MYO3B: variants seen among roughly 807,000 people sequenced by gnomAD.
The protein encoded by MYO3B is myosin-IIIb.
In MYO3B, 156 loss-of-function variants were observed where a neutral mutation model predicts 174.6. The observed-to-expected ratio is 0.89, with a 90% CI of 0.78 to 1.02. The LOEUF (loss-of-function observed/expected upper bound fraction) is 1.02, where lower values mean the gene tolerates loss of function less well. Among genes scored for constraint, MYO3B ranks in the 50% least tolerant of loss-of-function variants. The probability of loss-of-function intolerance (pLI) is 0.00; values close to 1 mark genes in which losing one functional copy is unlikely to be tolerated. For missense variants in MYO3B, 1,632 were observed against 1,639.4 expected, an observed-to-expected ratio of 1.00 and a Z score of 0.08; for synonymous variants, 563 against 569.1, an observed-to-expected ratio of 0.99 and a Z score of 0.15.
At chr2:170,506,135 T>C (rs1210826848) in intron 28 of MYO3B, among the ~76,000 whole-genome samples, 2 of 152,174 alleles carry the variant, frequency 1.3e-5, no homozygotes. Flanking sequence ...TGAACAGGCA[T>C]TTTAAGCCAC....
At position 170,472,673 on chromosome 2, in the gene MYO3B, CTATT is replaced by C. The variant is rs61295158; in HGVS notation, c.3014+6004_3014+6007del. Among the ~76,000 whole-genome samples the C allele has an allele frequency of 6.8e-3, 968 of 142,312 alleles. 9 individuals are homozygous for C. The highest frequency in any genetic ancestry group is 0.016 in the African/African-American group (613 of 37,956). 93.4% of individuals were successfully genotyped at this position (142,312 alleles called of 152,430 possible). A position where few individuals can be genotyped will look rare whatever the true frequency, so the allele number is the denominator to read the frequency against. ...GGATATTTTTCAGCTCACTTTTTAT[CTATT>C]TATTTATTTATTTATTTATTTATTT... On this transcript the variant is annotated intron_variant, in intron 25 of 34. Transcript: ENST00000408978.
At chr2:170,205,221 A>G (rs762681309) in intron 3 of MYO3B, among the ~76,000 whole-genome samples, 16 of 152,164 alleles carry the variant, frequency 1.1e-4, no homozygotes, top group Non-Finnish European at 2.9e-5. Flanking sequence ...TAATCCCTTC[A>G]TAAGTTCTAG....
At chr2:170,623,635 T>C (rs1696132835) in intron 32 of MYO3B, among the ~76,000 whole-genome samples, 1 of 152,242 alleles carries the variant, frequency 6.6e-6, no homozygotes, top group Admixed American at 6.5e-5. Flanking sequence ...GTTTTAGACA[T>C]GAAGTCTTTG....
chr2:170,458,685 G>A (rs1559020596), intron 23 of MYO3B, among the ~76,000 whole-genome samples: 1 of 152,154 alleles, frequency 6.6e-6, no homozygotes, highest in Non-Finnish European at 1.5e-5. Context: ...GAGTTTTGGG[G>A]CTGGCTTTGG....
intron 32 of MYO3B, among the ~76,000 whole-genome samples, chr2:170,558,668 A>T (rs998716207): frequency 6.6e-6 from 1 of 152,120 alleles, no homozygotes; most frequent in Non-Finnish European, 1.5e-5. Context: ...CACTTTATGC[A>T]TTCATGTTTC....
rs950947486 is a variant in MYO3B, at chr2:170,444,049, G to A, written c.2730+3G>A. 1 of 1,612,206 alleles carries A rather than the reference G, an allele frequency of 6.2e-7. No individual in the cohort carries two copies. Among genetic ancestry groups the A allele is most frequent in the African/African-American group, 1.3e-5 (1 of 75,016 alleles). On this transcript the variant is annotated splice_donor_region_variant and intron_variant, in intron 23 of 34. Transcript: ENST00000408978. ...ATTTCAGTGCTGGGAAAGCCAAGGT[G>A]AGTAACAGATTTGCACCAAATATAG... is the stretch of plus-strand genomic sequence containing the variant.
chr2:170,552,969 G>A (rs897287766), intron 32 of MYO3B, among the ~76,000 whole-genome samples: 11 of 152,214 alleles, frequency 7.2e-5, no homozygotes, highest in Admixed American at 3.3e-4. Flanking sequence ...AAGCCTTGGT[G>A]GCTTCCACGT....
chr2:170,303,620 A>G (rs1016556075), intron 7 of MYO3B, among the ~76,000 whole-genome samples: 20 of 151,830 alleles, frequency 1.3e-4, no homozygotes, highest in African/African-American at 4.8e-4. Flanking sequence ...TTATTCTTTG[A>G]TTGCTTTCCT....
At chr2:170,537,183 A>G (rs1689751451) in intron 30 of MYO3B, among the ~76,000 whole-genome samples, 1 of 140,850 alleles carries the variant, frequency 7.1e-6, no homozygotes, top group Non-Finnish European at 1.5e-5. Context: ...CCCGGGTGAC[A>G]GTGCGAGACT....
rs183018896 is a variant in MYO3B at position 170,196,995 on chromosome 2, G to A, written c.3-2213G>A. Among the ~76,000 whole-genome samples the A allele has an allele frequency of 7.2e-4, 109 of 151,768 alleles. No individual in the cohort carries two copies. In the East Asian group the frequency reaches 0.016, roughly 23 times the overall value. ...CATCACTATTTTTGAACCTAGGATCGGTCTTTTGAGATATCTTTTCAGGTT... is the reference window on the plus strand; with the variant it reads ...CATCACTATTTTTGAACCTAGGATCAGTCTTTTGAGATATCTTTTCAGGTT... On this transcript the variant is annotated intron_variant, in intron 1 of 34. Transcript: ENST00000408978.
intron 8 of MYO3B, among the ~76,000 whole-genome samples, chr2:170,339,959 G>A (rs935610095): frequency 4.6e-5 from 7 of 152,132 alleles, no homozygotes; most frequent in Middle Eastern, 3.4e-3. Context: ...TTTCCCCTAC[G>A]ACTAAAGCTA....
intron 22 of MYO3B, among the ~76,000 whole-genome samples, chr2:170,442,375 G>A (rs2094807048): frequency 6.6e-6 from 1 of 152,016 alleles, no homozygotes; most frequent in Admixed American, 6.6e-5. Flanking sequence ...GACTAATTAA[G>A]TTAAAGTTAT....
Position 170,436,736 on chromosome 2 carries a change from T to C in MYO3B, c.2651-7231T>C, listed in dbSNP as rs369453246. On this transcript the variant is annotated intron_variant, in intron 22 of 34. Coordinates refer to ENST00000408978, the MANE Select transcript of MYO3B (RefSeq NM_138995.5). ...TTTGGGGGAAGAACAATCAGAGAAG[T>C]GGTGAAGGGTGTGTGGGGTAGTGAA... 2.6e-5 allele frequency among the ~76,000 whole-genome samples: 4 copies of C among 152,090 alleles called. No individual in the cohort carries two copies. In the East Asian group the frequency reaches 7.7e-4, roughly 29 times the overall value.
intron 7 of MYO3B, among the ~76,000 whole-genome samples, chr2:170,237,545 G>T (rs550588637): frequency 1.3e-5 from 2 of 151,540 alleles, no homozygotes; most frequent in African/African-American, 4.9e-5. Context: ...GGGGGGAGGG[G>T]GGTGTATATG....
At chr2:170,422,166 T>A (rs142361264) in intron 22 of MYO3B, among the ~76,000 whole-genome samples, 4 of 152,320 alleles carry the variant, frequency 2.6e-5, no homozygotes, top group Admixed American at 2.6e-4. Context: ...CTAATATCTC[T>A]AGACCAGATG....
intron 7 of MYO3B, among the ~76,000 whole-genome samples, chr2:170,256,590 G>T (rs532274481): frequency 6.6e-5 from 10 of 152,066 alleles, no homozygotes; most frequent in Non-Finnish European, 2.9e-5. Flanking sequence ...TAATCATGAA[G>T]GAAATTGATT....
At chr2:170,422,008 G>A (rs985369742) in intron 22 of MYO3B, among the ~76,000 whole-genome samples, 6 of 152,242 alleles carry the variant, frequency 3.9e-5, no homozygotes, top group Admixed American at 1.3e-4. Context: ...TAAGTCAGGA[G>A]ATAAGCTAAG....
At position 170,624,999 on chromosome 2, in the gene MYO3B, T is replaced by C. The variant is rs191100286; in HGVS notation, c.3734-26629T>C. ...TTTATTGAGGATTTTTGCATCGATG[T>C]TCATCAGGGATATTGGTCTAAAATT... On this transcript the variant is annotated intron_variant, in intron 32 of 34. Transcript: ENST00000408978. Among the ~76,000 whole-genome samples, 15 of 152,348 alleles carry C rather than the reference T, an allele frequency of 9.8e-5. 1 individual carries two copies. The highest frequency in any genetic ancestry group is 5.2e-4 in the Admixed American group (8 of 15,300).
chr2:170,546,153 T>A (rs1690467985), intron 32 of MYO3B, among the ~76,000 whole-genome samples: 2 of 152,208 alleles, frequency 1.3e-5, no homozygotes, highest in Admixed American at 1.3e-4. Context: ...CTTTTCAAAA[T>A]CCTCTCCATT....
Sources: gnomAD v4.1 joint callset for allele counts (sites outside exome capture counted in the v4.1 genomes callset) on GRCh38, gnomAD v4.1.1 for gene constraint, MANE v1.5 for transcripts, NCBI Gene and HGNC (gene_info 2026-07-23, HGNC 2026-07-21) for gene names.